Variants in MAPK10 observed in about 807,000 individuals in gnomAD.
The protein encoded by MAPK10 is mitogen-activated protein kinase 10.
MAPK10 carries 25 observed loss-of-function variants against 59.3 expected under a neutral mutation model. The observed-to-expected ratio is 0.42, with a 90% CI of 0.31 to 0.59. The LOEUF (loss-of-function observed/expected upper bound fraction) is 0.59. MAPK10 is among the 20% of genes least tolerant of loss of function. The probability of loss-of-function intolerance (pLI) is 0.15; values close to 1 mark genes in which losing one functional copy is unlikely to be tolerated. For missense variants in MAPK10, 351 were observed against 568.9 expected (o/e 0.62, Z 3.90); for synonymous variants, 190 against 200.5 (o/e 0.95, Z 0.44).
chr4:86,436,988 A>G (rs947760268), intron 1 of MAPK10, among the ~76,000 whole-genome samples: 6 of 152,062 alleles, frequency 3.9e-5, no homozygotes, highest in South Asian at 2.1e-4. Context: ...CAAGGTGGGC[A>G]GATCACGAGG....
At chr4:86,035,370 CAAAAAAAAA>C (rs70948779) in intron 11 of MAPK10, among the ~76,000 whole-genome samples, 1 of 37,870 alleles carries the variant, frequency 2.6e-5, no homozygotes, top group Non-Finnish European at 4.4e-5. Flanking sequence ...GACTCTGTCT[CAAAAAAAAA>C]AAAAAAAAAA....
intron 3 of MAPK10, among the ~76,000 whole-genome samples, chr4:86,184,142 T>G (rs2077589045): frequency 6.6e-6 from 1 of 152,224 alleles, no homozygotes; most frequent in South Asian, 2.1e-4. Flanking sequence ...CTCTTTAGTT[T>G]AATTAGATCT....
chr4:86,432,052 C>T (rs1748114399), intron 1 of MAPK10, among the ~76,000 whole-genome samples: 1 of 152,098 alleles, frequency 6.6e-6, no homozygotes, highest in South Asian at 2.1e-4. Context: ...GGGTTGATGT[C>T]AATGGCAGAG....
intron 1 of MAPK10, among the ~76,000 whole-genome samples, chr4:86,517,553 G>A (rs1160444591): frequency 6.6e-6 from 1 of 152,012 alleles, no homozygotes; most frequent in African/African-American, 2.4e-5. Context: ...GGGATTACAG[G>A]CATGAGCTAC....
intron 1 of MAPK10, among the ~76,000 whole-genome samples, chr4:86,466,305 T>C (rs1752196754): frequency 6.6e-6 from 1 of 152,202 alleles, no homozygotes; most frequent in Non-Finnish European, 1.5e-5. Context: ...GACATTTAGC[T>C]TAAATAGCAC....
intron 2 of MAPK10, among the ~76,000 whole-genome samples, chr4:86,199,564 T>C (rs910039301): frequency 5.3e-5 from 8 of 151,936 alleles, no homozygotes; most frequent in Admixed American, 1.3e-4. Context: ...ATAATTATCC[T>C]GGGGAGATGA....
At chr4:86,464,870 T>C (rs1297571770) in intron 1 of MAPK10, among the ~76,000 whole-genome samples, 2 of 152,076 alleles carry the variant, frequency 1.3e-5, no homozygotes, top group Non-Finnish European at 1.5e-5. Context: ...TTAGGGCTCA[T>C]ACACCTCTTC....
intron 3 of MAPK10, among the ~76,000 whole-genome samples, chr4:86,180,834 T>C (rs192334355): frequency 6.6e-5 from 10 of 152,116 alleles, no homozygotes; most frequent in Non-Finnish European, 1.2e-4. Context: ...GAACAGAGGA[T>C]ACTGGAGGCT....
chr4:86,064,353 C>T lies in MAPK10; in HGVS notation c.1023G>A (p.Val341=). 6.2e-7 allele frequency: 1 copy of T among 1,614,056 alleles called. No individual in the cohort carries two copies. Among genetic ancestry groups the T allele is most frequent in the South Asian group, 1.1e-5 (1 of 91,082 alleles). ...CTGATATTCTTTTTGCTGGGTCAAT[C>T]ACTAGCATCTTTGACAACAAGTCCC... ...QARDLLSKML[V]IDPAKRISVD... The change falls in exon 11 of 14, where the codon GTG becomes GTA. Residue 341 remains valine, a synonymous_variant. Transcript: ENST00000641462.
intron 9 of MAPK10, among the ~76,000 whole-genome samples, chr4:86,091,818 C>T (rs2053247991): frequency 6.6e-6 from 1 of 151,834 alleles, no homozygotes; most frequent in South Asian, 2.1e-4. Context: ...AGATTACAGG[C>T]ACACGCCACC....
chr4:86,018,667 T>A (rs2148891786), intron 13 of MAPK10, among the ~76,000 whole-genome samples: 1 of 152,338 alleles, frequency 6.6e-6, no homozygotes, highest in East Asian at 1.9e-4. Context: ...TTACTTTTTT[T>A]CTTTGTATAT....
intron 4 of MAPK10, among the ~76,000 whole-genome samples, chr4:86,126,784 G>A (rs2060143823): frequency 1.3e-5 from 2 of 151,636 alleles, no homozygotes; most frequent in South Asian, 2.1e-4. Context: ...ACCTTAAATC[G>A]CCCTCCTCCA....
chr4:86,270,764 G>A (rs577250496), intron 2 of MAPK10, among the ~76,000 whole-genome samples: 23 of 152,140 alleles, frequency 1.5e-4, no homozygotes, highest in Non-Finnish European at 1.8e-4. Flanking sequence ...TCATAAAATG[G>A]AATCATGCCA....
intron 4 of MAPK10, among the ~76,000 whole-genome samples, chr4:86,109,606 G>GT (rs1185476564): frequency 2.0e-5 from 3 of 152,170 alleles, no homozygotes; most frequent in Non-Finnish European, 4.4e-5. Context: ...TGATGCATAT[G>GT]TACCACATTT....
intron 1 of MAPK10, among the ~76,000 whole-genome samples, chr4:86,549,868 A>C (rs1278017053): frequency 6.6e-6 from 1 of 152,112 alleles, no homozygotes; most frequent in African/African-American, 2.4e-5. Flanking sequence ...ACAAACAAAC[A>C]AAACAATAAG....
intron 1 of MAPK10, among the ~76,000 whole-genome samples, chr4:86,495,520 CATT>C (rs1355633937): frequency 6.6e-6 from 1 of 152,128 alleles, no homozygotes; most frequent in Non-Finnish European, 1.5e-5. Flanking sequence ...ACTGAAATAT[CATT>C]ATCACATCTA....
intron 1 of MAPK10, among the ~76,000 whole-genome samples, chr4:86,513,693 T>A (rs1756449945): frequency 6.6e-6 from 1 of 152,182 alleles, no homozygotes; most frequent in Non-Finnish European, 1.5e-5. Flanking sequence ...AAAACTTTTA[T>A]ACAAACTAAG....
intron 1 of MAPK10, among the ~76,000 whole-genome samples, chr4:86,533,283 CAG>C (rs1243585286): frequency 2.0e-5 from 3 of 151,966 alleles, no homozygotes; most frequent in Non-Finnish European, 4.4e-5. Flanking sequence ...TTAATGGGTA[CAG>C]AGTTTCAGCA....
intron 2 of MAPK10, among the ~76,000 whole-genome samples, chr4:86,247,979 A>G (rs989079232): frequency 2.0e-5 from 3 of 152,202 alleles, no homozygotes; most frequent in African/African-American, 7.2e-5. Flanking sequence ...GTTGTCATAT[A>G]TCAAGTAGCT....
Sources: allele counts gnomAD v4.1 joint callset (sites outside exome capture counted in the v4.1 genomes callset), GRCh38; gene constraint gnomAD v4.1.1; transcripts MANE v1.5; gene names NCBI Gene and HGNC (gene_info 2026-07-23, HGNC 2026-07-21).